Variants in ALMS1 observed in about 807,000 individuals in gnomAD.
ALMS1 encodes ALMS1 centrosome and basal body associated protein.
A neutral mutation model predicts 352.2 loss-of-function variants in ALMS1; 271 were observed. The observed-to-expected ratio is 0.77, with a 90% CI of 0.70 to 0.85. The LOEUF (loss-of-function observed/expected upper bound fraction) is 0.85. Among genes scored for constraint, ALMS1 ranks in the 40% least tolerant of loss-of-function variants. The pLI is 0.00. For missense variants in ALMS1, 5,445 were observed against 4,870.7 expected (o/e 1.12, Z -3.51); for synonymous variants, 1,865 against 1,761.2 (o/e 1.06, Z -1.48).
rs374660530 is a variant in ALMS1, at chr2:73,448,218, A to G, written c.1691A>G (p.Lys564Arg). ...GCTATTCCTGAACCAGCTGACCAGA[A>G]GACTGCAACACCAACAGTACTCTCT... is the stretch of plus-strand genomic sequence containing the variant. The part of the protein sequence containing the change: ...VTAIPEPADQ[K>R]TATPTVLSSS... Residue 564 changes from lysine to arginine, a missense_variant, in exon 8 of 23, where the codon AAG (lysine) becomes AGG (arginine). Lys to Arg is a conservative substitution (Grantham distance 26, BLOSUM62 2). Coordinates refer to ENST00000613296, the MANE Select transcript of ALMS1 (RefSeq NM_001378454.1). 2 of 1,613,958 alleles carry G rather than the reference A, an allele frequency of 1.2e-6. No homozygotes were observed. Among genetic ancestry groups the G allele is most frequent in the African/African-American group, 2.7e-5 (2 of 74,916 alleles).
intron 14 of ALMS1, among the ~76,000 whole-genome samples, chr2:73,558,044 A>C (rs1674580462): frequency 6.6e-6 from 1 of 152,206 alleles, no homozygotes; most frequent in South Asian, 2.1e-4. Context: ...GGAAAGGAAA[A>C]AGCACATTCC....
intron 3 of ALMS1, 37 bp from the exon 4 acceptor site, chr2:73,422,820 C>A: frequency 2.0e-6 from 3 of 1,502,508 alleles, no homozygotes; most frequent in South Asian, 2.3e-5. Context: ...AATCAATTTT[C>A]AGCATTACCC....
intron 21 of ALMS1, among the ~76,000 whole-genome samples, chr2:73,604,921 C>CG (rs1280612905): frequency 6.6e-6 from 1 of 152,146 alleles, no homozygotes; most frequent in Non-Finnish European, 1.5e-5. Context: ...CACAGCCTCC[C>CG]GCCAGGAGTG....
chr2:73,509,648 C>T (rs1462299325), intron 10 of ALMS1, among the ~76,000 whole-genome samples: 2 of 152,178 alleles, frequency 1.3e-5, no homozygotes, highest in Non-Finnish European at 2.9e-5. Flanking sequence ...TGATGGGCTT[C>T]CCTTTATGGG....
In ALMS1 at chr2:73,450,265, T is replaced by C. The variant is rs753770035; in HGVS notation, c.3738T>C (p.Gly1246=). The change falls in exon 8 of 23, where the codon GGT becomes GGC. Residue 1246 remains glycine (G), a synonymous_variant. Transcript: ENST00000613296. ...SASYSHTEKP[G]IFYQQVLPDN... ...CTTACTCACACACAGAGAAGCCTGG[T>C]ATTTTCTACCAACAGGTCTTGCCAG... is the stretch of plus-strand genomic sequence containing the variant. The C allele has an allele frequency of 2.5e-6, 4 of 1,613,836 alleles. No homozygotes were observed. The African/African-American group carries it at 5.3e-5, about 22-fold the overall frequency.
rs777417815 is a variant in ALMS1, at chr2:73,558,984, C to G, written c.10226C>G (p.Ala3409Gly). ...TTCCCTTTCGTAGATTCCAGTGCTG[C>G]TGCTGCTGCAGAGCACTCAGCTCAA... is the stretch of plus-strand genomic sequence containing the variant. ...LQKDTADSSA[A>G]AAAEHSAQVG... Residue 3409 changes from alanine (A) to glycine (G), a missense_variant, in exon 15 of 23, where the codon GCT (alanine) becomes GGT (glycine). Ala to Gly is a moderately conservative substitution (Grantham distance 60). Transcript: ENST00000613296. 5 of 1,613,986 alleles carry G rather than the reference C, an allele frequency of 3.1e-6. No individual in the cohort carries two copies. Among genetic ancestry groups the G allele is most frequent in the Non-Finnish European group, 2.5e-6 (3 of 1,179,912 alleles).
rs1671970639 is a variant in ALMS1 at position 73,452,599 on chromosome 2, G to T, written c.6072G>T (p.Lys2024Asn). Residue 2024 changes from lysine to asparagine, a missense_variant, in exon 8 of 23, where the codon AAG (lysine) becomes AAT (asparagine). Lys to Asn is a moderately conservative substitution (Grantham distance 94). Transcript: ENST00000613296. ...TTAGTTCCTACTCACAAATAGAGAA[G>T]CCCAAGATTTCAACTGTGATTGGAC... ...ATLSSYSQIEKPKISTVIGPN... is the reference protein window; with the variant it reads ...ATLSSYSQIENPKISTVIGPN... The T allele has an allele frequency of 1.2e-6, 2 of 1,614,034 alleles. No individual in the cohort carries two copies. Among genetic ancestry groups the T allele is most frequent in the Non-Finnish European group, 1.7e-6 (2 of 1,179,982 alleles).
chr2:73,605,665 GA>G (rs1387514745), intron 21 of ALMS1, among the ~76,000 whole-genome samples: 9 of 152,128 alleles, frequency 5.9e-5, no homozygotes, highest in African/African-American at 1.9e-4. Context: ...CCAACATGGT[GA>G]AAGACTTCTC....
At chr2:73,461,182 AC>A (rs1195943439) in intron 9 of ALMS1, among the ~76,000 whole-genome samples, 2 of 152,024 alleles carry the variant, frequency 1.3e-5, no homozygotes, top group Non-Finnish European at 2.9e-5. Context: ...ACTGGGAGGC[AC>A]CCCCCAGGAG....
intron 14 of ALMS1, among the ~76,000 whole-genome samples, 169 bp from the exon 15 acceptor site, chr2:73,558,803 A>T (rs1674595860): frequency 6.6e-6 from 1 of 152,112 alleles, no homozygotes; most frequent in Admixed American, 6.5e-5. Flanking sequence ...CTGTTTACGT[A>T]TGTGATTTTT....
In ALMS1 at chr2:73,540,130, G is replaced by A. The variant is rs56802999; in HGVS notation, c.9907+5181G>A. On this transcript the variant is annotated intron_variant, in intron 12 of 22. Transcript: ENST00000613296. ...TAAGGGCAGCCAGAGAGAAAGGTCG[G>A]GTTACCCACAAAGGGAAGCCCATCA... 3.5e-3 allele frequency among the ~76,000 whole-genome samples: 531 copies of A among 152,276 alleles called. 3 individuals are homozygous for A. The highest frequency in any genetic ancestry group is 0.011 in the African/African-American group (439 of 41,558).
chr2:73,461,771 G>A (rs1463804150), intron 9 of ALMS1, among the ~76,000 whole-genome samples: 1 of 152,178 alleles, frequency 6.6e-6, no homozygotes, highest in African/African-American at 2.4e-5. Context: ...GGAGCTGATG[G>A]AGCTAAAAGC....
At chr2:73,597,682 G>C (rs1238927865) in intron 16 of ALMS1, among the ~76,000 whole-genome samples, 1 of 151,930 alleles carries the variant, frequency 6.6e-6, no homozygotes, top group African/African-American at 2.4e-5. Flanking sequence ...TTTCTAGATG[G>C]GGAAACTGAC....
intron 12 of ALMS1, among the ~76,000 whole-genome samples, chr2:73,543,113 CTA>C (rs1283406499): frequency 1.3e-5 from 2 of 152,198 alleles, no homozygotes; most frequent in African/African-American, 4.8e-5. Context: ...TGACTTCAAA[CTA>C]TACTACAAGG....
chr2:73,420,925 A>G (rs1312738030), intron 3 of ALMS1, among the ~76,000 whole-genome samples: 1 of 152,194 alleles, frequency 6.6e-6, no homozygotes, highest in Non-Finnish European at 1.5e-5. Context: ...CTCAAAAAAG[A>G]GGGATGCAAG....
chr2:73,599,607 A>T, intron 17 of ALMS1, 86 bp downstream of exon 17: 1 of 1,466,278 alleles, frequency 6.8e-7, no homozygotes, highest in South Asian at 1.1e-5. Context: ...ATCATAATAA[A>T]GGACATGAAG....
chr2:73,404,712 C>T (rs1036431472), intron 1 of ALMS1, among the ~76,000 whole-genome samples: 11 of 151,778 alleles, frequency 7.2e-5, no homozygotes, highest in East Asian at 3.9e-4. Flanking sequence ...CAATAGTCGT[C>T]GGGGATACTG....
chr2:73,599,151 T>C (rs1488956157), intron 16 of ALMS1, among the ~76,000 whole-genome samples: 4 of 152,212 alleles, frequency 2.6e-5, no homozygotes, highest in Non-Finnish European at 5.9e-5. Flanking sequence ...TCAGAGTTTT[T>C]CCAAGCCCAG....
chr2:73,455,113 A>G, intron 8 of ALMS1, 49 bp from the exon 9 acceptor site: 2 of 1,604,364 alleles, frequency 1.2e-6, no homozygotes, highest in Non-Finnish European at 8.5e-7. Flanking sequence ...ATTGTTGACA[A>G]ATTATCACTT....
Sources: allele counts gnomAD v4.1 joint callset (sites outside exome capture counted in the v4.1 genomes callset), GRCh38; gene constraint gnomAD v4.1.1; transcripts MANE v1.5; gene names NCBI Gene and HGNC (gene_info 2026-07-23, HGNC 2026-07-21).